The following CFDP1 variants were observed in gnomAD, a reference collection of about 807,000 sequenced individuals.
CFDP1 encodes the protein chromatin remodeling protein CFDP1.
Under a neutral mutation model 40.1 loss-of-function variants are expected in CFDP1, and 31 were observed. That is an observed-to-expected ratio of 0.77 (90% CI 0.58 to 1.04). The LOEUF (loss-of-function observed/expected upper bound fraction) is 1.04. Among genes scored for constraint, CFDP1 ranks in the 50% least tolerant of loss-of-function variants. The pLI, the probability that CFDP1 is intolerant of heterozygous loss-of-function variation, is 0.00. For synonymous variants in CFDP1, 167 were observed against 120.0 expected (o/e 1.39, Z -2.56); for missense variants, 423 against 343.4 (o/e 1.23, Z -1.83).
intron 4 of CFDP1, among the ~76,000 whole-genome samples, chr16:75,411,619 G>A (rs16943924): frequency 1.2e-4 from 19 of 152,242 alleles, no homozygotes; most frequent in East Asian, 1.9e-4. Context: ...TGAGCACTTC[G>A]TAAAGCTCAA....
intron 5 of CFDP1, among the ~76,000 whole-genome samples, chr16:75,374,585 G>C (rs1487212824): frequency 6.6e-6 from 1 of 151,988 alleles, no homozygotes; most frequent in African/African-American, 2.4e-5. Flanking sequence ...GGGAGGCTGA[G>C]AAGGGAGGAT....
At chr16:75,404,230 T>C (rs1477379066) in intron 4 of CFDP1, among the ~76,000 whole-genome samples, 4 of 151,402 alleles carry the variant, frequency 2.6e-5, no homozygotes, top group South Asian at 2.1e-4. Flanking sequence ...TGGAAGGTAC[T>C]GTCATTTTTC....
chr16:75,389,001 T>G (rs1204878793), intron 5 of CFDP1, among the ~76,000 whole-genome samples: 3 of 152,118 alleles, frequency 2.0e-5, no homozygotes, highest in Non-Finnish European at 4.4e-5. Context: ...CCTCTTAAGT[T>G]ATATTGCTTT....
At chr16:75,376,764 C>T (rs923421760) in intron 5 of CFDP1, among the ~76,000 whole-genome samples, 3 of 152,204 alleles carry the variant, frequency 2.0e-5, no homozygotes, top group Admixed American at 6.5e-5. Flanking sequence ...AAGCGGCTTT[C>T]TGTAAGACAC....
At chr16:75,328,164 T>A (rs1170746276) in intron 5 of CFDP1, among the ~76,000 whole-genome samples, 69 of 144,492 alleles carry the variant, frequency 4.8e-4, no homozygotes, top group African/African-American at 1.7e-3. Context: ...TTTTTTTTTT[T>A]AAGAGACAGA....
chr16:75,298,183 T>C (rs1255440388), intron 6 of CFDP1, among the ~76,000 whole-genome samples: 2 of 152,270 alleles, frequency 1.3e-5, no homozygotes, highest in African/African-American at 4.8e-5. Context: ...TCCCCAAGAT[T>C]GCTGATGACG....
intron 1 of CFDP1, among the ~76,000 whole-genome samples, chr16:75,426,035 CAAAAAAAAAAAAAAAA>C (rs71134711): frequency 2.9e-5 from 1 of 34,478 alleles, no homozygotes; most frequent in Non-Finnish European, 4.7e-5. Flanking sequence ...CACTCTGTCT[CAAAAAAAAAAAAAAAA>C]AAAAAAAAAA....
intron 5 of CFDP1, among the ~76,000 whole-genome samples, chr16:75,308,075 A>C (rs1468958777): frequency 6.6e-6 from 1 of 152,214 alleles, no homozygotes; most frequent in Non-Finnish European, 1.5e-5. Flanking sequence ...AAGCATACGC[A>C]TGAGGACTTT....
chr16:75,372,994 T>A (rs1259952424), intron 5 of CFDP1, among the ~76,000 whole-genome samples: 2 of 152,118 alleles, frequency 1.3e-5, no homozygotes, highest in Non-Finnish European at 2.9e-5. Flanking sequence ...TTAAAGGAGT[T>A]CCCCGGCATG....
chr16:75,313,475 C>T (rs2078307369), intron 5 of CFDP1, among the ~76,000 whole-genome samples: 1 of 152,016 alleles, frequency 6.6e-6, no homozygotes, highest in African/African-American at 2.4e-5. Flanking sequence ...ATTACAGGCG[C>T]CCACCACCAC....
chr16:75,388,325 G>T (rs1342571867), intron 5 of CFDP1, among the ~76,000 whole-genome samples: 2 of 152,136 alleles, frequency 1.3e-5, no homozygotes, highest in African/African-American at 2.4e-5. Context: ...TTTATAAAAG[G>T]GTAAAGAATA....
rs982808340 is a variant in CFDP1, at chr16:75,332,690, T to C, written c.651-27508A>G. On this transcript the variant is annotated intron_variant, in intron 5 of 6. Transcript: ENST00000283882. ...GTCTTGGGGAAGGAGAAAAAAAGAG[T>C]TGTCTATATTTTTTATATAGTCAGT... is the stretch of plus-strand genomic sequence containing the variant. 4.0e-5 allele frequency among the ~76,000 whole-genome samples: 6 copies of C among 151,034 alleles called. No individual in the cohort carries two copies. In the East Asian group the frequency reaches 5.8e-4, roughly 15 times the overall value.
At chr16:75,429,918 C>A (rs146441159) in intron 1 of CFDP1, among the ~76,000 whole-genome samples, 1 of 152,120 alleles carries the variant, frequency 6.6e-6, no homozygotes, top group Non-Finnish European at 1.5e-5. Context: ...TCAAGAGGTC[C>A]TGAGAGCACG....
At chr16:75,389,273 C>T (rs1484060301) in intron 5 of CFDP1, among the ~76,000 whole-genome samples, 1 of 152,122 alleles carries the variant, frequency 6.6e-6, no homozygotes, top group East Asian at 1.9e-4. Flanking sequence ...AGAGGCGGAT[C>T]AAGAGCATGG....
chr16:75,349,867 CTT>C (rs973878186), intron 5 of CFDP1, among the ~76,000 whole-genome samples: 3 of 151,072 alleles, frequency 2.0e-5, no homozygotes, highest in African/African-American at 4.9e-5. Flanking sequence ...TTGGATGCCT[CTT>C]GTTTCATTTT....
chr16:75,352,639 G>C (rs1462721880), intron 5 of CFDP1, among the ~76,000 whole-genome samples: 1 of 152,040 alleles, frequency 6.6e-6, no homozygotes, highest in Middle Eastern at 3.2e-3. Context: ...TTTAACTATG[G>C]TTTGACTCAC....
At chr16:75,397,870 G>C (rs902356779) in intron 4 of CFDP1, among the ~76,000 whole-genome samples, 1 of 152,178 alleles carries the variant, frequency 6.6e-6, no homozygotes, top group Non-Finnish European at 1.5e-5. Flanking sequence ...CTCCACTGAT[G>C]CTGAGCTTGG....
chr16:75,391,924 C>T (rs1220376658), intron 5 of CFDP1, among the ~76,000 whole-genome samples: 2 of 151,734 alleles, frequency 1.3e-5, no homozygotes, highest in African/African-American at 2.4e-5. Flanking sequence ...GCCGAGATCG[C>T]GCCACTGCAC....
At chr16:75,298,215 T>C (rs1004891292) in intron 6 of CFDP1, among the ~76,000 whole-genome samples, 5 of 152,170 alleles carry the variant, frequency 3.3e-5, no homozygotes, top group Non-Finnish European at 7.3e-5. Flanking sequence ...ATTTCAAAAT[T>C]GAAAAAGGTC....
Sources: gnomAD v4.1 joint callset for allele counts (sites outside exome capture counted in the v4.1 genomes callset) on GRCh38, gnomAD v4.1.1 for gene constraint, MANE v1.5 for transcripts, NCBI Gene and HGNC (gene_info 2026-07-23, HGNC 2026-07-21) for gene names.